Variants in WDFY2 observed in about 807,000 individuals in gnomAD.
WDFY2 encodes the protein WD repeat and FYVE domain containing 2.
A neutral mutation model predicts 56.4 loss-of-function variants in WDFY2; 36 were observed. The ratio of observed to expected loss-of-function variants is 0.64; its 90% confidence interval spans 0.49 to 0.84. The LOEUF (loss-of-function observed/expected upper bound fraction) is 0.84. WDFY2 is among the 40% of genes least tolerant of loss of function. The probability of loss-of-function intolerance (pLI) is 0.00; values close to 1 mark genes in which losing one functional copy is unlikely to be tolerated. For synonymous variants in WDFY2, 176 were observed against 183.7 expected (o/e 0.96, Z 0.34); for missense variants, 444 against 512.2 (o/e 0.87, Z 1.29).
At chr13:51,744,783 G>A (rs546554360) in intron 7 of WDFY2, among the ~76,000 whole-genome samples, 50 of 152,160 alleles carry the variant, frequency 3.3e-4, no homozygotes, top group Non-Finnish European at 6.0e-4. Context: ...TAGTATAAAC[G>A]CTACAGTGAT....
Position 51,759,814 on chromosome 13 carries a change from G to A in WDFY2, c.*45G>A. The A allele has an allele frequency of 6.3e-7, 1 of 1,598,628 alleles. No homozygotes were observed. Among genetic ancestry groups the A allele is most frequent in the Non-Finnish European group, 8.6e-7 (1 of 1,167,150 alleles). ...AAAGATAGTATTTACTAAAGAAACG[G>A]TTGTTTTAACCCAAATCATTACCAG... On this transcript the variant is annotated 3_prime_UTR_variant, in exon 12 of 12. Coordinates refer to ENST00000298125, the MANE Select transcript of WDFY2 (RefSeq NM_052950.4).
intron 1 of WDFY2, among the ~76,000 whole-genome samples, chr13:51,616,201 C>T (rs1390984341): frequency 2.6e-5 from 4 of 152,202 alleles, no homozygotes; most frequent in Admixed American, 6.5e-5. Context: ...TGTATCACTG[C>T]GCTCCAGCCT....
At chr13:51,758,762 T>TA (rs892472035) in intron 11 of WDFY2, among the ~76,000 whole-genome samples, 11 of 152,060 alleles carry the variant, frequency 7.2e-5, no homozygotes, top group African/African-American at 2.2e-4. Flanking sequence ...CGGTAATACA[T>TA]ATGAGAATTT....
chr13:51,646,807 A>G (rs913092953), intron 1 of WDFY2, among the ~76,000 whole-genome samples: 3 of 152,190 alleles, frequency 2.0e-5, no homozygotes, highest in Admixed American at 6.5e-5. Flanking sequence ...AGCACAAAGG[A>G]TATGTCTTTG....
At chr13:51,738,078 A>G (rs1952881700) in intron 6 of WDFY2, among the ~76,000 whole-genome samples, 1 of 152,240 alleles carries the variant, frequency 6.6e-6, no homozygotes, top group Non-Finnish European at 1.5e-5. Flanking sequence ...GTAGCACTTC[A>G]TTAGAACAAA....
rs1333326181 is a variant in WDFY2 at position 51,712,919 on chromosome 13, T to TA, written c.335-6273dup. Among the ~76,000 whole-genome samples, 5 of 152,260 alleles carry TA rather than the reference T, an allele frequency of 3.3e-5. No homozygotes were observed. The East Asian group carries it at 9.6e-4, about 29-fold the overall frequency. ...AAAAATACAAATTGTGAAAGATTAC[T>TA]AAAAAAGACATAGATAATCCTAATA... On this transcript the variant is annotated intron_variant, in intron 4 of 11. Transcript: ENST00000298125.
chr13:51,635,594 G>T (rs756121947), intron 1 of WDFY2, among the ~76,000 whole-genome samples: 2 of 152,160 alleles, frequency 1.3e-5, no homozygotes, highest in African/African-American at 2.4e-5. Context: ...TTCAGAAATA[G>T]TCTCATGGTA....
intron 1 of WDFY2, among the ~76,000 whole-genome samples, chr13:51,642,806 G>A (rs902712245): frequency 2.0e-5 from 3 of 149,462 alleles, no homozygotes; most frequent in African/African-American, 2.5e-5. Flanking sequence ...TCAGCCTACC[G>A]AGTAGCTGGG....
chr13:51,634,965 GTCTC>G (rs1240148802), intron 1 of WDFY2, among the ~76,000 whole-genome samples: 1 of 152,036 alleles, frequency 6.6e-6, no homozygotes, highest in African/African-American at 2.4e-5. Context: ...TTGAGATGGA[GTCTC>G]TCTCTGTTGC....
At chr13:51,648,295 T>C (rs1955298729) in intron 1 of WDFY2, among the ~76,000 whole-genome samples, 2 of 152,200 alleles carry the variant, frequency 1.3e-5, no homozygotes, top group African/African-American at 2.4e-5. Context: ...CAACCTAGCT[T>C]CCTTGCTGCC....
At chr13:51,747,852 G>A (rs1392287927) in intron 7 of WDFY2, among the ~76,000 whole-genome samples, 2 of 152,190 alleles carry the variant, frequency 1.3e-5, no homozygotes, top group Non-Finnish European at 2.9e-5. Flanking sequence ...TTTGTAAGAT[G>A]AGGGAACAAG....
At chr13:51,721,182 A>C (rs9526792) in intron 5 of WDFY2, among the ~76,000 whole-genome samples, 72,986 of 151,922 alleles carry the variant, frequency 0.48, 17,811 homozygotes, top group Admixed American at 0.55. Flanking sequence ...GCTGAAGCCC[A>C]GAAAGGGTCC....
chr13:51,710,084 C>T (rs1272112365), intron 4 of WDFY2, among the ~76,000 whole-genome samples: 1 of 152,182 alleles, frequency 6.6e-6, no homozygotes. Context: ...AAAAGCTTAT[C>T]CACCACGATC....
intron 3 of WDFY2, among the ~76,000 whole-genome samples, chr13:51,679,323 A>G (rs561789085): frequency 2.6e-5 from 4 of 152,310 alleles, no homozygotes; most frequent in African/African-American, 9.6e-5. Flanking sequence ...TATCTTTATA[A>G]ATACTTATTT....
chr13:51,645,687 G>A (rs1234345225), intron 1 of WDFY2, among the ~76,000 whole-genome samples: 1 of 152,114 alleles, frequency 6.6e-6, no homozygotes, highest in Non-Finnish European at 1.5e-5. Flanking sequence ...AGTAAAGAAG[G>A]ATTATTCTTC....
intron 1 of WDFY2, among the ~76,000 whole-genome samples, chr13:51,603,972 GA>G (rs1954336018): frequency 1.3e-5 from 2 of 152,198 alleles, no homozygotes; most frequent in South Asian, 4.1e-4. Context: ...CCTAGTGAAA[GA>G]GGGCAGCAGC....
At chr13:51,754,131 G>C (rs1038422035) in intron 8 of WDFY2, among the ~76,000 whole-genome samples, 1 of 150,340 alleles carries the variant, frequency 6.7e-6, no homozygotes, top group Non-Finnish European at 1.5e-5. Context: ...TTGATGTACT[G>C]TTAGTCTGGT....
intron 1 of WDFY2, among the ~76,000 whole-genome samples, chr13:51,593,305 A>G (rs1341142916): frequency 6.6e-6 from 1 of 152,192 alleles, no homozygotes; most frequent in African/African-American, 2.4e-5. Flanking sequence ...TAGTCAGTAC[A>G]TCATAATTTA....
At chr13:51,603,078 C>T (rs1295916024) in intron 1 of WDFY2, among the ~76,000 whole-genome samples, 1 of 152,106 alleles carries the variant, frequency 6.6e-6, no homozygotes, top group East Asian at 1.9e-4. Flanking sequence ...ACTTTTATGA[C>T]TGATACAAAG....
Sources: allele counts gnomAD v4.1 joint callset (sites outside exome capture counted in the v4.1 genomes callset), GRCh38; gene constraint gnomAD v4.1.1; transcripts MANE v1.5; gene names NCBI Gene and HGNC (gene_info 2026-07-23, HGNC 2026-07-21).